The following MZT2A variants were observed in gnomAD, a reference collection of about 807,000 sequenced individuals.
MZT2A encodes the protein mitotic-spindle organizing protein 2A.
In MZT2A, 8 loss-of-function variants were observed where a neutral mutation model predicts 12.4. The ratio of observed to expected loss-of-function variants is 0.64; its 90% confidence interval spans 0.38 to 1.16. MZT2A has a LOEUF of 1.16. Ranked by LOEUF, MZT2A falls within the 50% of genes most tolerant of loss-of-function variation. MZT2A has a pLI of 0.01. For synonymous variants in MZT2A, 88 were observed against 107.5 expected (o/e 0.82, Z 1.12); for missense variants, 181 against 223.6 (o/e 0.81, Z 1.22).
intron 2 of MZT2A, among the ~76,000 whole-genome samples, chr2:131,485,510 C>T (rs1823652): frequency 1.4e-4 from 21 of 152,294 alleles, no homozygotes; most frequent in Admixed American, 2.0e-4. Context: ...CTCGTGAGGG[C>T]ACGCTGCAGC....
At chr2:131,469,995 G>A (rs1395934892) in intron 4 of MZT2A, 1 of 287,796 alleles carries the variant, frequency 3.5e-6, no homozygotes, top group Non-Finnish European at 6.7e-6. Context: ...ATAGAGACAG[G>A]GTTTCACCAT....
At chr2:131,491,039 G>GC in intron 2 of MZT2A, 1 of 1,262,500 alleles carries the variant, frequency 7.9e-7, no homozygotes, top group Non-Finnish European at 1.1e-6. Context: ...TGCTTTCCAC[G>GC]CCTTCTCATG....
chr2:131,479,470 G>T, downstream of MZT2A: 2 of 1,610,628 alleles, frequency 1.2e-6, no homozygotes, highest in Non-Finnish European at 1.7e-6. Flanking sequence ...AGAAGAGAAG[G>T]TTTCATGTGG....
chr2:131,492,229 C>A lies in MZT2A; in HGVS notation c.148G>T (p.Gly50Cys), dbSNP rs1559365007. ...LYELAQAAGG[G>C]IDPDVFKILV... Reference sequence around the variant, plus strand: ...CACTTGAACACGTCGGGGTCGATACCGCCGCCCGCCGCCTGAGCCAGCTCG... The same window carrying A: ...CACTTGAACACGTCGGGGTCGATACAGCCGCCCGCCGCCTGAGCCAGCTCG... Residue 50 changes from glycine (G) to cysteine (C), a missense_variant, in exon 1 of 3, where the codon GGT becomes TGT. Physicochemically the swap from Gly to Cys is radical, Grantham distance 159. Around this residue, in one of 3 missense-constraint regions of MZT2A, gnomAD observed 106 missense variants for 127.2 expected, o/e 0.83. Transcript: ENST00000309451. The A allele has an allele frequency of 1.3e-6, 2 of 1,582,712 alleles. No individual in the cohort carries two copies. The highest frequency in any genetic ancestry group is 1.7e-5 in the Admixed American group (1 of 57,458).
chr2:131,483,081 A>G (rs1678916290), downstream of MZT2A: 1 of 589,240 alleles, frequency 1.7e-6, no homozygotes, highest in African/African-American at 1.9e-5. Context: ...CTGCCACAGA[A>G]GTAACCTGAC....
chr2:131,487,120 C>A (rs950089568), intron 2 of MZT2A, among the ~76,000 whole-genome samples: 3 of 152,128 alleles, frequency 2.0e-5, no homozygotes, highest in Non-Finnish European at 4.4e-5. Flanking sequence ...ACTGATGCCC[C>A]TACACCTGGT....
chr2:131,476,113 G>T (rs1016877682), intron 2 of MZT2A: 230 of 1,606,412 alleles, frequency 1.4e-4, no homozygotes, highest in Admixed American at 5.9e-4. Flanking sequence ...GGCGCGCACA[G>T]GCAGGAGGTT....
chr2:131,480,975 C>T (rs145123533), downstream of MZT2A, among the ~76,000 whole-genome samples: 5,862 of 151,880 alleles, frequency 0.039, 389 homozygotes, highest in African/African-American at 0.13. Flanking sequence ...GCGATCTCAG[C>T]TAACTGCAAC....
rs1370529978 is a variant in MZT2A, at chr2:131,492,251, C to T, written c.126G>A (p.Glu42=). The T allele has an allele frequency of 1.3e-6, 2 of 1,585,692 alleles. No individual in the cohort carries two copies. The highest frequency in any genetic ancestry group is 2.7e-5 in the African/African-American group (2 of 74,230). The change falls in exon 1 of 3, where the codon GAG becomes GAA. Residue 42 remains glutamate (E), a synonymous_variant. Coordinates refer to ENST00000309451, the MANE Select transcript of MZT2A (RefSeq NM_001085365.2). The part of the protein sequence containing the change: ...VLSTEEMELY[E]LAQAAGGGID... The stretch of plus-strand genomic sequence containing the variant: ...TACCGCCGCCCGCCGCCTGAGCCAG[C>T]TCGTACAGCTCCATCTCCTCGGTGC...
At chr2:131,471,440 T>G (rs1409245042) in intron 3 of MZT2A, among the ~76,000 whole-genome samples, 1 of 125,074 alleles carries the variant, frequency 8.0e-6, no homozygotes, top group African/African-American at 4.1e-5. Flanking sequence ...AGAGACTCTG[T>G]CTCAAAAAAA....
Position 131,471,983 on chromosome 2 carries a change from G to A in MZT2A, c.393+85C>T, listed in dbSNP as rs1209619822. 5 of 1,184,132 alleles carry A rather than the reference G, an allele frequency of 4.2e-6. No homozygotes were observed. The East Asian group carries it at 2.9e-4, about 70-fold the overall frequency. The allele number at this position is 1,184,132 out of a possible 1,614,324, so 73.4% of individuals were successfully genotyped here. On this transcript the variant is annotated intron_variant and NMD_transcript_variant, in intron 3 of 4. Coordinates refer to the MZT2A transcript ENST00000427024. ...AGTCCATGAGCAGGAGTCCCAAGGA[G>A]GTCTTTAAACATCTGTATGAACAGA...
chr2:131,492,977 G>A, upstream of MZT2A: 2 of 1,523,580 alleles, frequency 1.3e-6, no homozygotes, highest in South Asian at 2.4e-5. Context: ...GGCCTTCTTC[G>A]CTTTGCGCAC....
chr2:131,493,160 C>A, upstream of MZT2A: 1 of 1,432,936 alleles, frequency 7.0e-7, no homozygotes. Context: ...GCGGGACGCG[C>A]GCGTGAGACG....
intron 2 of MZT2A, among the ~76,000 whole-genome samples, chr2:131,485,600 A>G (rs1460399417): frequency 2.0e-5 from 3 of 152,022 alleles, no homozygotes; most frequent in Admixed American, 2.0e-4. Context: ...TGGAATCCCA[A>G]CTGGCTCTCA....
intron 2 of MZT2A, among the ~76,000 whole-genome samples, chr2:131,473,835 C>T (rs1678550161): frequency 3.4e-5 from 5 of 146,060 alleles, no homozygotes; most frequent in Admixed American, 3.3e-4. Context: ...AGGGGTGTGC[C>T]TTCCCCTTTC....
At chr2:131,487,662 C>T (rs1186725215) in intron 2 of MZT2A, among the ~76,000 whole-genome samples, 1 of 152,176 alleles carries the variant, frequency 6.6e-6, no homozygotes, top group African/African-American at 2.4e-5. Context: ...TGCTATGTTG[C>T]CCAGGCTGGT....
chr2:131,476,030 G>T, intron 2 of MZT2A: 1 of 1,285,040 alleles, frequency 7.8e-7, no homozygotes, highest in Non-Finnish European at 1.1e-6. Flanking sequence ...TCAGAACTGG[G>T]ATCCGGCCCT....
chr2:131,486,703 G>C (rs1395696245), intron 2 of MZT2A: 3 of 151,688 alleles, frequency 2.0e-5, no homozygotes, highest in African/African-American at 7.3e-5. Context: ...ACAGTTCATT[G>C]CTGCCCGGAA....
chr2:131,479,031 C>T (rs3101997), downstream of MZT2A, among the ~76,000 whole-genome samples: 7 of 152,334 alleles, frequency 4.6e-5, no homozygotes, highest in African/African-American at 1.7e-4. Flanking sequence ...TATGTACCTG[C>T]GTAGGAGTGC....
Sources: gnomAD v4.1 joint callset for allele counts (sites outside exome capture counted in the v4.1 genomes callset) on GRCh38, gnomAD v4.1.1 for gene constraint, gnomAD v4.1.1 regional missense constraint, MANE v1.5 for transcripts, NCBI Gene and HGNC (gene_info 2026-07-23, HGNC 2026-07-21) for gene names.